DDX10: variants seen among roughly 807,000 people sequenced by gnomAD.
DDX10 encodes the protein probable ATP-dependent RNA helicase DDX10.
DDX10 carries 74 observed loss-of-function variants against 104.3 expected under a neutral mutation model. The ratio of observed to expected loss-of-function variants is 0.71; its 90% CI spans 0.59 to 0.86. The LOEUF is 0.86. Among genes scored for constraint, DDX10 ranks in the 40% least tolerant of loss-of-function variants. The pLI, the probability that DDX10 is intolerant of heterozygous loss-of-function variation, is 0.00. For missense variants in DDX10, 952 were observed against 1,040.0 expected (o/e 0.92, Z 1.16); for synonymous variants, 351 against 353.4 (o/e 0.99, Z 0.08).
Position 108,855,617 on chromosome 11 carries a change from G to T in DDX10, c.2304+3408G>T, listed in dbSNP as rs368091435. On this transcript the variant is annotated intron_variant, in intron 16 of 17. Transcript: ENST00000322536. Reference sequence around the variant, plus strand: ...TGGGACTACACGCATGTGCCACCACGCCCAGCTAATTTTTTGTATTTTTAG... The same window carrying T: ...TGGGACTACACGCATGTGCCACCACTCCCAGCTAATTTTTTGTATTTTTAG... Among the ~76,000 whole-genome samples, 6 of 152,126 alleles carry T rather than the reference G, an allele frequency of 3.9e-5. No individual in the cohort carries two copies. The East Asian group carries it at 5.8e-4, about 15-fold the overall frequency.
At chr11:108,765,092 A>G (rs2094355003) in intron 13 of DDX10, among the ~76,000 whole-genome samples, 1 of 152,186 alleles carries the variant, frequency 6.6e-6, no homozygotes, top group Admixed American at 6.5e-5. Flanking sequence ...AAGAAGCCAA[A>G]TTTCTTTATA....
intron 17 of DDX10, among the ~76,000 whole-genome samples, chr11:108,939,572 A>G: frequency 6.6e-6 from 1 of 152,100 alleles, no homozygotes. Context: ...CTTTGAGGAG[A>G]ATGTTTTGCT....
chr11:108,894,465 G>A (rs1863414980), intron 16 of DDX10, among the ~76,000 whole-genome samples: 1 of 151,962 alleles, frequency 6.6e-6, no homozygotes, highest in African/African-American at 2.4e-5. Context: ...CTTGTTATGT[G>A]CTACAGATCA....
intron 13 of DDX10, among the ~76,000 whole-genome samples, chr11:108,768,528 T>C (rs1430737939): frequency 6.6e-6 from 1 of 152,204 alleles, no homozygotes; most frequent in East Asian, 1.9e-4. Context: ...GACTTATTTA[T>C]TGGGTTTCTG....
At chr11:108,677,905 CT>C (rs1385293744) in intron 4 of DDX10, among the ~76,000 whole-genome samples, 1 of 151,944 alleles carries the variant, frequency 6.6e-6, no homozygotes, top group African/African-American at 2.4e-5. Flanking sequence ...AGGAGAGAAC[CT>C]CGGCTTTTTT....
At chr11:108,696,665 ATC>A (rs2094260302) in intron 9 of DDX10, among the ~76,000 whole-genome samples, 1 of 152,154 alleles carries the variant, frequency 6.6e-6, no homozygotes, top group Non-Finnish European at 1.5e-5. Flanking sequence ...TGGATATGGT[ATC>A]TCACAAGTGC....
At chr11:108,827,559 T>A (rs1354651619) in intron 13 of DDX10, among the ~76,000 whole-genome samples, 1 of 152,244 alleles carries the variant, frequency 6.6e-6, no homozygotes, top group African/African-American at 2.4e-5. Context: ...GGATATTTTT[T>A]AGAAGAAAAA....
At chr11:108,734,195 T>C (rs1156503258) in intron 13 of DDX10, among the ~76,000 whole-genome samples, 1 of 152,186 alleles carries the variant, frequency 6.6e-6, no homozygotes, top group Admixed American at 6.6e-5. Flanking sequence ...GGGCCTTATG[T>C]AATGTTCAGT....
chr11:108,884,374 C>A (rs1358869580), intron 16 of DDX10, among the ~76,000 whole-genome samples: 1 of 152,158 alleles, frequency 6.6e-6, no homozygotes, highest in Non-Finnish European at 1.5e-5. Flanking sequence ...CTTGTTCTCC[C>A]CCAGTCTACA....
At position 108,675,701 on chromosome 11, in the gene DDX10, G is replaced by T; in HGVS notation, c.353G>T (p.Gly118Val). 6.2e-7 allele frequency: 1 copy of T among 1,614,172 alleles called. No individual in the cohort carries two copies. Among genetic ancestry groups the T allele is most frequent in the South Asian group, 1.1e-5 (1 of 91,082 alleles). ...DVLGAAKTGSGKTLAFLVPVL... is the reference protein window; with the variant it reads ...DVLGAAKTGSVKTLAFLVPVL... ...CTTGGAGCGGCCAAAACTGGATCTG[G>T]CAAGACTCTGGCTTTTCTTGTTCCA... Residue 118 changes from glycine to valine, a missense_variant, in exon 3 of 18, where the codon GGC (glycine) becomes GTC (valine). Physicochemically the swap from Gly to Val is moderately radical, Grantham distance 109. Transcript: ENST00000322536.
At chr11:108,685,370 A>G (rs1396499821) in intron 6 of DDX10, among the ~76,000 whole-genome samples, 1 of 151,392 alleles carries the variant, frequency 6.6e-6, no homozygotes, top group Non-Finnish European at 1.5e-5. Flanking sequence ...AGGTGAGGCA[A>G]TGCCTCGCCC....
chr11:108,755,922 A>T (rs923890477), intron 13 of DDX10, among the ~76,000 whole-genome samples: 2 of 151,888 alleles, frequency 1.3e-5, no homozygotes, highest in Non-Finnish European at 2.9e-5. Context: ...AGGTGTTATA[A>T]CTTGAGCCTT....
chr11:108,936,814 G>A (rs377168984), intron 17 of DDX10, among the ~76,000 whole-genome samples: 8 of 152,160 alleles, frequency 5.3e-5, no homozygotes, highest in African/African-American at 1.4e-4. Flanking sequence ...TTCAGATAAC[G>A]TCCCAGAAGA....
At chr11:108,676,851 C>T (rs908544836) in intron 3 of DDX10, among the ~76,000 whole-genome samples, 1 of 152,168 alleles carries the variant, frequency 6.6e-6, no homozygotes, top group Admixed American at 6.5e-5. Context: ...TTCCTGATGG[C>T]ATGGCTCTGG....
chr11:108,675,912 C>T (rs530131259), intron 3 of DDX10, 186 bp downstream of exon 3: 1 of 641,060 alleles, frequency 1.6e-6, no homozygotes, highest in East Asian at 2.9e-5. Flanking sequence ...GGTTCTAGCA[C>T]AGTGCCTTGC....
At chr11:108,913,629 C>T (rs1040081707) in intron 16 of DDX10, among the ~76,000 whole-genome samples, 1 of 152,078 alleles carries the variant, frequency 6.6e-6, no homozygotes, top group Non-Finnish European at 1.5e-5. Context: ...AGCTTGACTT[C>T]CCTTTGGCTT....
intron 10 of DDX10, among the ~76,000 whole-genome samples, chr11:108,711,860 C>G (rs2094284913): frequency 6.6e-6 from 1 of 152,198 alleles, no homozygotes; most frequent in Non-Finnish European, 1.5e-5. Flanking sequence ...TATGTTCTTA[C>G]TGACTTTCTG....
intron 13 of DDX10, among the ~76,000 whole-genome samples, chr11:108,730,604 G>A (rs958526454): frequency 6.6e-6 from 1 of 152,140 alleles, no homozygotes; most frequent in Non-Finnish European, 1.5e-5. Context: ...TGGAAAACCT[G>A]TATTTTGTGA....
intron 13 of DDX10, among the ~76,000 whole-genome samples, chr11:108,778,695 G>A (rs1216705629): frequency 6.6e-6 from 1 of 152,120 alleles, no homozygotes; most frequent in East Asian, 1.9e-4. Flanking sequence ...TTGACAAATG[G>A]GATCTAATTA....
Sources: allele counts gnomAD v4.1 joint callset (sites outside exome capture counted in the v4.1 genomes callset), GRCh38; gene constraint gnomAD v4.1.1; transcripts MANE v1.5; gene names NCBI Gene and HGNC (gene_info 2026-07-23, HGNC 2026-07-21).